The following SLC44A1 variants were observed in gnomAD, a reference collection of about 807,000 sequenced individuals.
SLC44A1 encodes choline transporter-like protein 1.
In SLC44A1, 26 loss-of-function variants were observed where a neutral mutation model predicts 79.3. The ratio of observed to expected loss-of-function variants is 0.33; its 90% CI spans 0.24 to 0.46. The LOEUF is 0.46. Ranked by LOEUF, SLC44A1 falls within the 20% of genes least tolerant of loss-of-function variation. The pLI, the probability that SLC44A1 is intolerant of heterozygous loss-of-function variation, is 1.00. For synonymous variants in SLC44A1, 263 were observed against 286.2 expected (o/e 0.92, Z 0.82); for missense variants, 688 against 798.1 (o/e 0.86, Z 1.66).
At chr9:105,384,517 A>G (rs567393696) in intron 14 of SLC44A1, among the ~76,000 whole-genome samples, 2 of 152,140 alleles carry the variant, frequency 1.3e-5, no homozygotes, top group Admixed American at 6.5e-5. Flanking sequence ...AAGAATTCCA[A>G]ATGATTTAGC....
chr9:105,267,598 G>T (rs548242397), intron 1 of SLC44A1, among the ~76,000 whole-genome samples: 27 of 152,164 alleles, frequency 1.8e-4, no homozygotes, highest in Non-Finnish European at 3.1e-4. Context: ...CCTAGTGGGT[G>T]CTTTTGTTCT....
At chr9:105,314,998 C>G (rs1034550468) in intron 3 of SLC44A1, among the ~76,000 whole-genome samples, 3 of 152,232 alleles carry the variant, frequency 2.0e-5, no homozygotes, top group Non-Finnish European at 4.4e-5. Context: ...GTGCTCTTCG[C>G]ATCATACACT....
intron 15 of SLC44A1, among the ~76,000 whole-genome samples, chr9:105,403,893 G>A (rs897818314): frequency 2.6e-5 from 4 of 151,500 alleles, no homozygotes; most frequent in African/African-American, 9.7e-5. Context: ...GGTCTTGCAG[G>A]CCACCCTAAC....
intron 5 of SLC44A1, among the ~76,000 whole-genome samples, chr9:105,351,756 A>T (rs891951111): frequency 6.6e-6 from 1 of 152,190 alleles, no homozygotes; most frequent in African/African-American, 2.4e-5. Context: ...CATCTACTAC[A>T]TGCCAGCTAT....
At chr9:105,413,097 T>TG (rs2131508752) in intron 15 of SLC44A1, among the ~76,000 whole-genome samples, 1 of 152,344 alleles carries the variant, frequency 6.6e-6, no homozygotes, top group African/African-American at 2.4e-5. Flanking sequence ...AGTCATGTCC[T>TG]GAGCCCCTAA....
chr9:105,271,296 C>G (rs538844248), intron 1 of SLC44A1, among the ~76,000 whole-genome samples: 14 of 152,238 alleles, frequency 9.2e-5, no homozygotes, highest in Admixed American at 3.3e-4. Flanking sequence ...TCTGACAAAC[C>G]CTTACTCTCA....
intron 13 of SLC44A1, among the ~76,000 whole-genome samples, chr9:105,378,288 T>C (rs990595240): frequency 2.0e-5 from 3 of 152,192 alleles, no homozygotes; most frequent in African/African-American, 7.2e-5. Flanking sequence ...GAAGGCAGTT[T>C]TGTATACCTC....
intron 4 of SLC44A1, among the ~76,000 whole-genome samples, chr9:105,339,852 A>C (rs1408520001): frequency 6.6e-6 from 1 of 152,112 alleles, no homozygotes; most frequent in Admixed American, 6.5e-5. Flanking sequence ...AAAAACAAAG[A>C]AAATGTGGTG....
chr9:105,382,728 C>T (rs1388192767), intron 13 of SLC44A1, among the ~76,000 whole-genome samples: 1 of 151,886 alleles, frequency 6.6e-6, no homozygotes, highest in South Asian at 2.1e-4. Flanking sequence ...TGTGAAAATG[C>T]TTAGAAAAAA....
At chr9:105,280,244 T>A (rs2131251400) in intron 1 of SLC44A1, among the ~76,000 whole-genome samples, 1 of 152,360 alleles carries the variant, frequency 6.6e-6, no homozygotes, top group South Asian at 2.1e-4. Context: ...TTAGCAATAA[T>A]GGTCATGAGT....
intron 3 of SLC44A1, among the ~76,000 whole-genome samples, chr9:105,323,215 C>CAA (rs575818228): frequency 3.9e-5 from 3 of 76,570 alleles, no homozygotes; most frequent in East Asian, 5.9e-4. Flanking sequence ...AACTCCATCT[C>CAA]AAAAAAAAAA....
chr9:105,405,776 G>A (rs1210779884), intron 15 of SLC44A1, among the ~76,000 whole-genome samples: 1 of 152,126 alleles, frequency 6.6e-6, no homozygotes, highest in African/African-American at 2.4e-5. Flanking sequence ...AGTGACATTT[G>A]TCAATGGCAC....
At chr9:105,431,019 A>G (rs1829385759) in intron 15 of SLC44A1, among the ~76,000 whole-genome samples, 1 of 152,172 alleles carries the variant, frequency 6.6e-6, no homozygotes, top group African/African-American at 2.4e-5. Flanking sequence ...CTTATGACTA[A>G]TGATGTTAAG....
chr9:105,379,640 T>C lies in SLC44A1; in HGVS notation c.1633-3483T>C, dbSNP rs146433372. 2.4e-3 allele frequency among the ~76,000 whole-genome samples: 360 copies of C among 152,308 alleles called. 3 individuals are homozygous for C. Among genetic ancestry groups the C allele is most frequent in the African/African-American group, 8.5e-3 (355 of 41,566 alleles). ...TTCCATTTCTATGGTACTCTAATAG[T>C]TTTTATGGAATGTGAATTAGATTTG... is the stretch of plus-strand genomic sequence containing the variant. On this transcript the variant is annotated intron_variant, in intron 13 of 15. Coordinates refer to ENST00000374720, the MANE Select transcript of SLC44A1 (RefSeq NM_080546.5).
At position 105,394,903 on chromosome 9, in the gene SLC44A1, A is replaced by T; in HGVS notation, c.*5847A>T. 1 of 985,486 alleles carries T rather than the reference A, an allele frequency of 1.0e-6. No homozygotes were observed. The highest frequency in any genetic ancestry group is 1.2e-6 in the Non-Finnish European group (1 of 829,976). 61.0% of individuals were successfully genotyped at this position (985,486 alleles called of 1,614,324 possible). A position where few individuals can be genotyped will look rare whatever the true frequency, so the allele number is the denominator to read the frequency against. On this transcript the variant is annotated 3_prime_UTR_variant, in exon 16 of 16. Coordinates refer to ENST00000374720, the MANE Select transcript of SLC44A1 (RefSeq NM_080546.5). ...CCTCTGCCAATAGAACTCCACCCCC[A>T]GTCCCTTACCTACTCTATCTTCTTT...
intron 13 of SLC44A1, among the ~76,000 whole-genome samples, chr9:105,379,889 A>G (rs889490006): frequency 6.6e-6 from 1 of 152,196 alleles, no homozygotes; most frequent in Non-Finnish European, 1.5e-5. Context: ...CACTAATTAT[A>G]TCTTCTAGTT....
intron 1 of SLC44A1, among the ~76,000 whole-genome samples, chr9:105,256,997 G>T (rs1387121827): frequency 4.6e-5 from 7 of 151,918 alleles, no homozygotes; most frequent in Admixed American, 1.3e-4. Flanking sequence ...TGTTGGTCAG[G>T]CTGCTCTCGA....
At chr9:105,341,154 G>GTCT (rs1827074606) in intron 4 of SLC44A1, among the ~76,000 whole-genome samples, 2 of 152,052 alleles carry the variant, frequency 1.3e-5, no homozygotes, top group South Asian at 4.2e-4. Context: ...GGCCAACATG[G>GTCT]TGAAACCTCA....
chr9:105,438,426 G>T (rs1166922638), exon 16 of SLC44A1: 3 of 740,058 alleles, frequency 4.1e-6, no homozygotes, highest in Admixed American at 2.6e-5. Flanking sequence ...CATGTAACAA[G>T]TTTCTCAAAC....
Sources: gnomAD v4.1 joint callset for allele counts (sites outside exome capture counted in the v4.1 genomes callset) on GRCh38, gnomAD v4.1.1 for gene constraint, MANE v1.5 for transcripts, NCBI Gene and HGNC (gene_info 2026-07-23, HGNC 2026-07-21) for gene names.